Variants in MAGI3 observed in about 807,000 individuals in gnomAD.
The protein encoded by MAGI3 is membrane-associated guanylate kinase, WW and PDZ domain-containing protein 3.
In MAGI3, 43 loss-of-function variants were observed where a neutral mutation model predicts 121.8. The observed-to-expected ratio is 0.35, with a 90% CI of 0.28 to 0.46. The LOEUF (loss-of-function observed/expected upper bound fraction) is 0.46, where lower values mean the gene tolerates loss of function less well. Ranked by LOEUF, MAGI3 falls within the 20% of genes least tolerant of loss-of-function variation. The pLI is 1.00. For missense variants in MAGI3, 1,547 were observed against 1,797.3 expected, an observed-to-expected ratio of 0.86 and a Z score of 2.52; for synonymous variants, 553 against 639.3, an observed-to-expected ratio of 0.86 and a Z score of 2.04.
intron 6 of MAGI3, among the ~76,000 whole-genome samples, chr1:113,607,264 T>C (rs1291116472): frequency 1.3e-5 from 2 of 152,298 alleles, no homozygotes; most frequent in East Asian, 1.9e-4. Flanking sequence ...GTAATGGCAT[T>C]CTTACTGATT....
chr1:113,668,081 G>A (rs1346639491), intron 16 of MAGI3, among the ~76,000 whole-genome samples: 1 of 152,094 alleles, frequency 6.6e-6, no homozygotes. Flanking sequence ...ACTGACCACA[G>A]ATCACCATAA....
intron 2 of MAGI3, among the ~76,000 whole-genome samples, chr1:113,549,866 C>CCCAGCACTT (rs1365844957): frequency 6.6e-6 from 1 of 151,974 alleles, no homozygotes; most frequent in African/African-American, 2.4e-5. Flanking sequence ...CACCTATAAT[C>CCCAGCACTT]CCAGCACTTT....
intron 6 of MAGI3, among the ~76,000 whole-genome samples, chr1:113,612,094 C>T (rs539478029): frequency 6.5e-4 from 99 of 152,182 alleles, no homozygotes; most frequent in African/African-American, 2.3e-3. Context: ...CAGGCGTGCA[C>T]CACCACACCC....
intron 1 of MAGI3, among the ~76,000 whole-genome samples, chr1:113,495,200 T>C (rs892067808): frequency 6.6e-6 from 1 of 152,140 alleles, no homozygotes; most frequent in African/African-American, 2.4e-5. Context: ...TGCTAAATCA[T>C]AGAGGATCTA....
At chr1:113,516,339 A>G (rs1040188039) in intron 1 of MAGI3, among the ~76,000 whole-genome samples, 6 of 148,036 alleles carry the variant, frequency 4.1e-5, no homozygotes, top group Non-Finnish European at 6.0e-5. Context: ...GGAAAAAACT[A>G]CAAGATGAGC....
At chr1:113,632,570 C>G (rs995178221) in intron 9 of MAGI3, among the ~76,000 whole-genome samples, 2 of 152,120 alleles carry the variant, frequency 1.3e-5, no homozygotes, top group Admixed American at 6.6e-5. Flanking sequence ...CAACTGATGA[C>G]CGTCAACTGG....
At chr1:113,393,771 A>G (rs1267305369) in intron 1 of MAGI3, among the ~76,000 whole-genome samples, 4 of 152,248 alleles carry the variant, frequency 2.6e-5, no homozygotes, top group Non-Finnish European at 5.9e-5. Context: ...ATTTAAAAAG[A>G]AACTTGCCAT....
At chr1:113,539,202 G>T in intron 1 of MAGI3, among the ~76,000 whole-genome samples, 1 of 152,062 alleles carries the variant, frequency 6.6e-6, no homozygotes, top group East Asian at 1.9e-4. Flanking sequence ...AGACCATCCT[G>T]GCCAACATGG....
rs1651368918 is a variant in MAGI3 at position 113,628,307 on chromosome 1, A to G, written c.1360+5313A>G. Among the ~76,000 whole-genome samples the G allele has an allele frequency of 2.0e-5, 3 of 152,312 alleles. No individual in the cohort carries two copies. The South Asian group carries it at 6.2e-4, about 32-fold the overall frequency. On this transcript the variant is annotated intron_variant, in intron 9 of 20. Coordinates refer to ENST00000307546, the MANE Select transcript of MAGI3 (RefSeq NM_001142782.2). Reference sequence around the variant, plus strand: ...GAAGCAAACAAGCAAAAAGAAAATGAATAAAAACTGTACAATTTAACTTCA... The same window carrying G: ...GAAGCAAACAAGCAAAAAGAAAATGGATAAAAACTGTACAATTTAACTTCA...
At chr1:113,504,054 A>G (rs1657187626) in intron 1 of MAGI3, among the ~76,000 whole-genome samples, 1 of 152,086 alleles carries the variant, frequency 6.6e-6, no homozygotes. Context: ...AAAAAACTAG[A>G]AAAGAACCAG....
At chr1:113,517,555 T>C (rs917801780) in intron 1 of MAGI3, among the ~76,000 whole-genome samples, 6 of 152,180 alleles carry the variant, frequency 3.9e-5, no homozygotes, top group Admixed American at 1.3e-4. Flanking sequence ...TTTTCTAATC[T>C]CTCTCCCCTT....
chr1:113,509,133 T>C (rs1304928551), intron 1 of MAGI3, among the ~76,000 whole-genome samples: 1 of 152,138 alleles, frequency 6.6e-6, no homozygotes, highest in Non-Finnish European at 1.5e-5. Flanking sequence ...TTGTTGTTGT[T>C]CTTAAATTAC....
intron 1 of MAGI3, among the ~76,000 whole-genome samples, chr1:113,536,160 A>T (rs74111297): frequency 0.29 from 28,026 of 98,136 alleles, 2,690 homozygotes; most frequent in East Asian, 0.5. Context: ...TTTTTTTTTT[A>T]AAAAAATTTG....
Position 113,646,480 on chromosome 1 carries a change from T to C in MAGI3, c.1999-6T>C. ...AAATACTAAGTAAGGCTCTTTTCCA[T>C]TTCAGAAAACAGATAAAAAGGAAAA... is the stretch of plus-strand genomic sequence containing the variant. On this transcript the variant is annotated splice_polypyrimidine_tract_variant and splice_region_variant and intron_variant, in intron 11 of 20. Transcript: ENST00000307546. 2 of 1,584,564 alleles carry C rather than the reference T, an allele frequency of 1.3e-6. No homozygotes were observed. Among genetic ancestry groups the C allele is most frequent in the South Asian group, 1.2e-5 (1 of 86,638 alleles).
intron 20 of MAGI3, 128 bp from the exon 21 acceptor site, chr1:113,682,768 CA>C (rs1171066323): frequency 6.5e-5 from 93 of 1,434,264 alleles, no homozygotes; most frequent in Non-Finnish European, 8.5e-5. Flanking sequence ...TAAACATATA[CA>C]AACTGTATAA....
chr1:113,647,638 G>A (rs1011081057), intron 12 of MAGI3, among the ~76,000 whole-genome samples: 6 of 152,146 alleles, frequency 3.9e-5, no homozygotes, highest in African/African-American at 9.7e-5. Context: ...AGAAAGAGAT[G>A]TAAATCTACC....
At chr1:113,660,766 ATTTTT>A (rs33956607) in intron 16 of MAGI3, among the ~76,000 whole-genome samples, 1 of 122,984 alleles carries the variant, frequency 8.1e-6, no homozygotes, top group Non-Finnish European at 1.7e-5. Flanking sequence ...ATAATTTTTA[ATTTTT>A]TTTTTTTTTT....
intron 3 of MAGI3, among the ~76,000 whole-genome samples, chr1:113,584,109 T>C (rs1648214630): frequency 6.6e-6 from 1 of 152,122 alleles, no homozygotes; most frequent in Admixed American, 6.6e-5. Context: ...TTACCTTAGG[T>C]GAATGAGCAT....
intron 1 of MAGI3, among the ~76,000 whole-genome samples, chr1:113,516,874 T>C (rs1362755034): frequency 1.3e-5 from 2 of 152,016 alleles, no homozygotes; most frequent in Non-Finnish European, 2.9e-5. Context: ...CATGAAGTAA[T>C]AAGAATGGCA....
Sources: allele counts gnomAD v4.1 joint callset (sites outside exome capture counted in the v4.1 genomes callset), GRCh38; gene constraint gnomAD v4.1.1; transcripts MANE v1.5; gene names NCBI Gene and HGNC (gene_info 2026-07-23, HGNC 2026-07-21).